Variants in CRYBA4 observed in about 807,000 individuals in gnomAD.
The protein encoded by CRYBA4 is beta-crystallin A4.
CRYBA4 carries 30 observed loss-of-function variants against 31.7 expected under a neutral mutation model. That is an observed-to-expected ratio of 0.95 (90% CI 0.71 to 1.28). CRYBA4 has a LOEUF of 1.28. Among genes scored for constraint, CRYBA4 ranks in the 50% most tolerant of loss-of-function variants. The probability of loss-of-function intolerance (pLI) is 0.00; values close to 1 mark genes in which losing one functional copy is unlikely to be tolerated. For synonymous variants in CRYBA4, 102 were observed against 102.3 expected, an observed-to-expected ratio of 1.00 and a Z score of 0.02; for missense variants, 225 against 260.7, an observed-to-expected ratio of 0.86 and a Z score of 0.94.
chr22:26,630,580 G>T lies in CRYBA4; in HGVS notation c.*93G>T, dbSNP rs867120926. The T allele has an allele frequency of 2.7e-6, 3 of 1,122,094 alleles. No homozygotes were observed. Among genetic ancestry groups the T allele is most frequent in the South Asian group, 2.7e-5 (2 of 75,198 alleles). The allele number at this position is 1,122,094 out of a possible 1,614,324, so 69.5% of individuals were successfully genotyped here. On this transcript the variant is annotated 3_prime_UTR_variant, in exon 6 of 6. Coordinates refer to ENST00000354760, the MANE Select transcript of CRYBA4 (RefSeq NM_001886.3). ...GTGTTCTCTCCTTCTGCCTCCCCCT[G>T]TAACCTGTGTGAACCCAGCACCCAT... is the stretch of plus-strand genomic sequence containing the variant.
chr22:26,605,759 T>A, the CRYBA4 span, among the ~76,000 whole-genome samples: 10 of 151,772 alleles, frequency 6.6e-5, no homozygotes, highest in African/African-American at 9.7e-5. Context: ...TTATTTTTTT[T>A]TTTTATTTTG....
chr22:26,612,223 A>G, the CRYBA4 span: 1 of 1,456,576 alleles, frequency 6.9e-7, no homozygotes, highest in South Asian at 1.1e-5. Context: ...CCAAGGGCAG[A>G]GTGAGGGGGG....
the CRYBA4 span, among the ~76,000 whole-genome samples, chr22:26,595,379 C>G: frequency 2.0e-5 from 3 of 151,950 alleles, no homozygotes; most frequent in Non-Finnish European, 4.4e-5. Context: ...GAGTTCGAGA[C>G]CAGCCTGACC....
At chr22:26,595,774 C>G in the CRYBA4 span, among the ~76,000 whole-genome samples, 2 of 151,300 alleles carry the variant, frequency 1.3e-5, no homozygotes, top group East Asian at 2.0e-4. Flanking sequence ...CCATGTATGG[C>G]CTTGTTTTTG....
chr22:26,616,859 A>G, the CRYBA4 span, among the ~76,000 whole-genome samples: 3 of 152,360 alleles, frequency 2.0e-5, no homozygotes, highest in East Asian at 3.9e-4. Flanking sequence ...CCAAACAGCT[A>G]CTAAGTGGTA....
chr22:26,616,106 A>C, the CRYBA4 span: 1 of 1,578,010 alleles, frequency 6.3e-7, no homozygotes, highest in Non-Finnish European at 8.7e-7. Context: ...GAAAGAAGGC[A>C]TGGCACCCAG....
intron 3 of CRYBA4, among the ~76,000 whole-genome samples, chr22:26,624,844 A>G (rs933067679): frequency 1.3e-5 from 2 of 152,226 alleles, no homozygotes; most frequent in African/African-American, 2.4e-5. Context: ...AGCTGCTTCC[A>G]TGCTTCAACG....
At chr22:26,619,940 A>G (rs966195788), upstream of CRYBA4, among the ~76,000 whole-genome samples, 1 of 150,292 alleles carries the variant, frequency 6.7e-6, no homozygotes, top group Admixed American at 6.6e-5. Flanking sequence ...ATCCTTCATT[A>G]TATCTTTTTC....
chr22:26,622,136 G>A lies in CRYBA4; in HGVS notation c.-13+150G>A, dbSNP rs114863871. ...ACCAAGGATGAGCCCCAACCATCAA[G>A]ACCAGCACCTGCTTCCCTCATTTAA... On this transcript the variant is annotated intron_variant, in intron 1 of 5. Coordinates refer to ENST00000354760, the MANE Select transcript of CRYBA4 (RefSeq NM_001886.3). 1,721 of 238,348 alleles carry A rather than the reference G, an allele frequency of 7.2e-3. 39 individuals are homozygous for A. The highest frequency in any genetic ancestry group is 0.037 in the African/African-American group (1,640 of 43,794). The allele number at this position is 238,348 out of a possible 1,614,324, so 14.8% of individuals were successfully genotyped here.
the CRYBA4 span, among the ~76,000 whole-genome samples, chr22:26,590,623 C>T: frequency 8.8e-4 from 134 of 152,294 alleles, no homozygotes; most frequent in Non-Finnish European, 1.7e-3. Flanking sequence ...ACCACCACGA[C>T]ATTTGGCAAT....
chr22:26,599,536 T>C, the CRYBA4 span: 1 of 1,613,872 alleles, frequency 6.2e-7, no homozygotes, highest in Non-Finnish European at 8.5e-7. Flanking sequence ...CCCCTCGAGG[T>C]GCCACTGCTT....
chr22:26,623,126 G>C (rs916094518), intron 2 of CRYBA4, 108 bp from the exon 3 acceptor site: 3 of 906,886 alleles, frequency 3.3e-6, no homozygotes, highest in Non-Finnish European at 5.5e-6. Context: ...GGAGGAATCT[G>C]AGTTTGCAAT....
chr22:26,625,352 C>G (rs1483049035), intron 3 of CRYBA4, 129 bp from the exon 4 acceptor site: 6 of 1,082,294 alleles, frequency 5.5e-6, no homozygotes, highest in Non-Finnish European at 8.1e-6. Context: ...CAGCCATCGT[C>G]AAGTGTTTCC....
At chr22:26,612,573 G>T in the CRYBA4 span, among the ~76,000 whole-genome samples, 1 of 152,162 alleles carries the variant, frequency 6.6e-6, no homozygotes, top group African/African-American at 2.4e-5. Context: ...GGCTGGTCTC[G>T]AATTCCTGAG....
At chr22:26,602,305 C>T in the CRYBA4 span, among the ~76,000 whole-genome samples, 2 of 152,050 alleles carry the variant, frequency 1.3e-5, no homozygotes, top group East Asian at 3.9e-4. Flanking sequence ...ATTTATTGGC[C>T]GGGTGCCATG....
At chr22:26,601,322 A>G in the CRYBA4 span, among the ~76,000 whole-genome samples, 1 of 152,070 alleles carries the variant, frequency 6.6e-6, no homozygotes, top group Non-Finnish European at 1.5e-5. Flanking sequence ...ATAGCTTCAG[A>G]TCCTGAGCGT....
intron 1 of CRYBA4, 56 bp from the exon 2 acceptor site, chr22:26,622,529 T>G: frequency 2.7e-6 from 4 of 1,469,974 alleles, no homozygotes; most frequent in South Asian, 1.1e-5. Flanking sequence ...GCCATCTGCA[T>G]AAAGAGGAGA....
At chr22:26,593,332 T>A in the CRYBA4 span, among the ~76,000 whole-genome samples, 1 of 151,940 alleles carries the variant, frequency 6.6e-6, no homozygotes, top group Admixed American at 6.6e-5. Context: ...ATGAGGTTGA[T>A]GTTATGTCAA....
chr22:26,626,986 C>A (rs1239143590), intron 4 of CRYBA4, among the ~76,000 whole-genome samples: 1 of 152,194 alleles, frequency 6.6e-6, no homozygotes, highest in Non-Finnish European at 1.5e-5. Context: ...TCACTTCCAT[C>A]GTTTTTCATA....
Sources: allele counts gnomAD v4.1 joint callset (sites outside exome capture counted in the v4.1 genomes callset), GRCh38; gene constraint gnomAD v4.1.1; transcripts MANE v1.5; gene names NCBI Gene and HGNC (gene_info 2026-07-23, HGNC 2026-07-21).